Variants in IL23R observed in about 807,000 individuals in gnomAD.
IL23R encodes the protein interleukin-23 receptor.
IL23R carries 34 observed loss-of-function variants against 56.9 expected under a neutral mutation model. That is an observed-to-expected ratio of 0.60 (90% CI 0.45 to 0.80). IL23R has a LOEUF of 0.80. Among genes scored for constraint, IL23R ranks in the 30% least tolerant of loss-of-function variants. The probability of loss-of-function intolerance (pLI) is 0.00; values close to 1 mark genes in which losing one functional copy is unlikely to be tolerated. For missense variants in IL23R, 635 were observed against 730.0 expected (o/e 0.87, Z 1.50); for synonymous variants, 230 against 249.2 (o/e 0.92, Z 0.73).
intron 4 of IL23R, among the ~76,000 whole-genome samples, chr1:67,185,515 C>T (rs1647276593): frequency 6.6e-6 from 1 of 152,142 alleles, no homozygotes; most frequent in African/African-American, 2.4e-5. Context: ...AATCTCAGCT[C>T]ACTGCAACCT....
chr1:67,257,610 A>C (rs923006790), intron 10 of IL23R, among the ~76,000 whole-genome samples: 7 of 152,200 alleles, frequency 4.6e-5, no homozygotes, highest in Non-Finnish European at 8.8e-5. Flanking sequence ...CCTCCAGTCC[A>C]TTTATTGCCC....
chr1:67,206,441 G>A (rs915938784), intron 5 of IL23R, among the ~76,000 whole-genome samples: 5 of 152,274 alleles, frequency 3.3e-5, no homozygotes, highest in African/African-American at 1.2e-4. Context: ...CTCCTGAGTA[G>A]TTGGAATTTC....
chr1:67,168,941 C>T (rs1341229059), intron 2 of IL23R, among the ~76,000 whole-genome samples: 2 of 151,958 alleles, frequency 1.3e-5, no homozygotes, highest in Non-Finnish European at 2.9e-5. Flanking sequence ...GGGTGGATCA[C>T]CTGAGGTCAG....
chr1:67,178,131 C>G (rs753703025), intron 3 of IL23R, among the ~76,000 whole-genome samples: 57 of 151,942 alleles, frequency 3.8e-4, no homozygotes, highest in Non-Finnish European at 6.9e-4. Context: ...GACCTTTAAA[C>G]TAGTTTTTTC....
At chr1:67,155,589 C>G (rs534284646) in intron 1 of IL23R, among the ~76,000 whole-genome samples, 1 of 152,090 alleles carries the variant, frequency 6.6e-6, no homozygotes, top group East Asian at 1.9e-4. Flanking sequence ...ATTCAGCTAT[C>G]GATACTTGTG....
chr1:67,218,350 G>T (rs562785679), intron 6 of IL23R, among the ~76,000 whole-genome samples: 4 of 137,292 alleles, frequency 2.9e-5, no homozygotes, highest in Non-Finnish European at 4.6e-5. Context: ...GTGTGTGTGT[G>T]TGTGTGTGTA....
At chr1:67,247,232 G>A (rs2100354431) in intron 9 of IL23R, among the ~76,000 whole-genome samples, 1 of 151,130 alleles carries the variant, frequency 6.6e-6, no homozygotes, top group Non-Finnish European at 1.5e-5. Flanking sequence ...CCTGAATACA[G>A]CACTACTGAT....
rs1358405507 is a variant in IL23R at position 67,219,550 on chromosome 1, A to G, written c.799-24A>G. 2.5e-6 allele frequency: 4 copies of G among 1,608,572 alleles called. No individual in the cohort carries two copies. In the African/African-American group the frequency reaches 4.0e-5, roughly 16 times the overall value. ...TTGTTTTAAAAGCACACCACATTTT[A>G]TTATTGTTACCCATCCATTTTAGGT... is the stretch of plus-strand genomic sequence containing the variant. On this transcript the variant is annotated intron_variant, in intron 6 of 10. Coordinates refer to ENST00000347310, the MANE Select transcript of IL23R (RefSeq NM_144701.3).
intron 7 of IL23R, among the ~76,000 whole-genome samples, chr1:67,224,352 G>T (rs1366010442): frequency 3.3e-5 from 5 of 152,170 alleles, no homozygotes; most frequent in Non-Finnish European, 7.3e-5. Context: ...AACTTTTCCA[G>T]TGCTTAAAGG....
At chr1:67,218,791 T>A (rs1163382757) in intron 6 of IL23R, among the ~76,000 whole-genome samples, 1 of 151,738 alleles carries the variant, frequency 6.6e-6, no homozygotes, top group Non-Finnish European at 1.5e-5. Context: ...TGGTAGTGCA[T>A]GCCTGTAGTC....
intron 4 of IL23R, among the ~76,000 whole-genome samples, chr1:67,186,945 T>A (rs1468092974): frequency 2.6e-5 from 4 of 152,168 alleles, no homozygotes; most frequent in African/African-American, 9.7e-5. Context: ...TTAATAATGT[T>A]CCATTATTTG....
At chr1:67,188,910 T>C (rs1201969358) in intron 4 of IL23R, among the ~76,000 whole-genome samples, 1 of 152,094 alleles carries the variant, frequency 6.6e-6, no homozygotes, top group Non-Finnish European at 1.5e-5. Flanking sequence ...AACATGTAAA[T>C]TTTGAGGGTA....
In IL23R at chr1:67,237,246, A is replaced by G. The variant is rs143532908; in HGVS notation, c.1045+444A>G. On this transcript the variant is annotated intron_variant, in intron 8 of 10. Coordinates refer to ENST00000347310, the MANE Select transcript of IL23R (RefSeq NM_144701.3). ...TTGTAGAGACGGGTTTCACCATGTT[A>G]GCCAGACTGGTCTTGAACTCCTGAC... 3.8e-3 allele frequency among the ~76,000 whole-genome samples: 575 copies of G among 152,180 alleles called. 9 individuals are homozygous for G. Among genetic ancestry groups the G allele is most frequent in the Admixed American group, 0.022 (332 of 15,280 alleles).
At chr1:67,254,541 C>T (rs1201652860) in intron 9 of IL23R, among the ~76,000 whole-genome samples, 1 of 151,456 alleles carries the variant, frequency 6.6e-6, no homozygotes, top group African/African-American at 2.4e-5. Flanking sequence ...AACAAAACAA[C>T]AACAAAAAAA....
chr1:67,234,414 T>C (rs1224639512), intron 7 of IL23R, among the ~76,000 whole-genome samples: 1 of 152,214 alleles, frequency 6.6e-6, no homozygotes, highest in Non-Finnish European at 1.5e-5. Flanking sequence ...AGGAAGATTG[T>C]ATTTATTCCC....
At chr1:67,241,144 T>G (rs1427460198) in intron 9 of IL23R, among the ~76,000 whole-genome samples, 1 of 152,230 alleles carries the variant, frequency 6.6e-6, no homozygotes, top group African/African-American at 2.4e-5. Context: ...CCCCTTTTGG[T>G]GATTTTCTCA....
At chr1:67,217,171 A>G (rs1049630586) in intron 6 of IL23R, among the ~76,000 whole-genome samples, 1 of 152,216 alleles carries the variant, frequency 6.6e-6, no homozygotes, top group African/African-American at 2.4e-5. Context: ...ACTGAAGAAT[A>G]TTACGTTTCA....
intron 5 of IL23R, among the ~76,000 whole-genome samples, chr1:67,205,873 A>ATCTTTTTCTT (rs1226325077): frequency 5.8e-5 from 8 of 139,110 alleles, no homozygotes; most frequent in African/African-American, 1.9e-4. Flanking sequence ...TTGAACATCC[A>ATCTTTTTCTT]TCTTTCTTTC....
At chr1:67,205,926 T>TCTTTCTTTCTTTC (rs1553291058) in intron 5 of IL23R, among the ~76,000 whole-genome samples, 3 of 102,526 alleles carry the variant, frequency 2.9e-5, no homozygotes, top group African/African-American at 1.0e-4. Flanking sequence ...TTTCTTTCTT[T>TCTTTCTTTCTTTC]TTCTTTCTTT....
Sources: allele counts gnomAD v4.1 joint callset (sites outside exome capture counted in the v4.1 genomes callset), GRCh38; gene constraint gnomAD v4.1.1; transcripts MANE v1.5; gene names NCBI Gene and HGNC (gene_info 2026-07-23, HGNC 2026-07-21).